The following KXD1 variants were observed in gnomAD, a reference collection of about 807,000 sequenced individuals.
KXD1 encodes the protein kxDL motif-containing protein 1.
A neutral mutation model predicts 12.1 loss-of-function variants in KXD1; 5 were observed. The observed-to-expected ratio is 0.41, with a 90% CI of 0.22 to 0.87. KXD1 has a LOEUF of 0.87. KXD1 is among the 40% of genes least tolerant of loss of function. The pLI, the probability that KXD1 is intolerant of heterozygous loss-of-function variation, is 0.31. For synonymous variants in KXD1, 98 were observed against 100.5 expected, an observed-to-expected ratio of 0.98 and a Z score of 0.15; for missense variants, 193 against 244.9, an observed-to-expected ratio of 0.79 and a Z score of 1.41.
rs147692833 is a variant in KXD1, at chr19:18,562,622, C to T, written c.101+465C>T. Among the ~76,000 whole-genome samples, 968 of 152,280 alleles carry T rather than the reference C, an allele frequency of 6.4e-3. 12 individuals are homozygous for T. Among genetic ancestry groups the T allele is most frequent in the African/African-American group, 0.023 (938 of 41,546 alleles). On this transcript the variant is annotated intron_variant, in intron 2 of 4. Transcript: ENST00000222307. ...GATTACAAGCATGTGCCACCATGCCCAGCTAATTTTTGTATTTTTAGTAGA... is the reference window on the plus strand; with the variant it reads ...GATTACAAGCATGTGCCACCATGCCTAGCTAATTTTTGTATTTTTAGTAGA...
In KXD1 at chr19:18,562,650, C is replaced by T. The variant is rs182424212; in HGVS notation, c.101+493C>T. On this transcript the variant is annotated intron_variant, in intron 2 of 4. Coordinates refer to ENST00000222307, the MANE Select transcript of KXD1 (RefSeq NM_024069.4). ...CTAATTTTTGTATTTTTAGTAGAGACGGGCTTTCATCATGTTGGTCAGGCT... is the reference window on the plus strand; with the variant it reads ...CTAATTTTTGTATTTTTAGTAGAGATGGGCTTTCATCATGTTGGTCAGGCT... Among the ~76,000 whole-genome samples the T allele has an allele frequency of 6.0e-4, 92 of 152,336 alleles. No homozygotes were observed. The East Asian group carries it at 0.016, about 27-fold the overall frequency.
intron 3 of KXD1, among the ~76,000 whole-genome samples, chr19:18,565,648 G>A (rs1975182054): frequency 6.6e-6 from 1 of 151,986 alleles, no homozygotes; most frequent in Non-Finnish European, 1.5e-5. Context: ...TGAGTAGCTG[G>A]GTCTACAGAC....
intron 1 of KXD1, 46 bp from the exon 2 acceptor site, chr19:18,561,990 C>A: frequency 7.5e-7 from 1 of 1,337,586 alleles, no homozygotes. Context: ...TTGGTCCCAC[C>A]TCACCTGGTG....
intron 3 of KXD1, 100 bp from the exon 4 acceptor site, chr19:18,567,032 C>A: frequency 1.9e-6 from 2 of 1,038,732 alleles, no homozygotes; most frequent in Non-Finnish European, 3.0e-6. Context: ...TCACTCCCGT[C>A]TCCCCTTGCC....
rs1568424291 is a variant in KXD1, at chr19:18,568,603, C to CAGATGACGAGG, written c.512_522dup (p.Gly175ArgfsTer3). On this transcript the variant is annotated frameshift_variant, in exon 5 of 5. Transcript: ENST00000222307. LOFTEE classifies it high-confidence loss of function. ...CCAGCCATCAACGGCCGCAGCCAGA[C>CAGATGACGAGG]AGATGACGAGGAGATGACGGGCGAA... 6.2e-7 allele frequency: 1 copy of CAGATGACGAGG among 1,612,338 alleles called. No individual in the cohort carries two copies. The highest frequency in any genetic ancestry group is 1.7e-5 in the Admixed American group (1 of 60,004).
At position 18,566,056 on chromosome 19, in the gene KXD1, C is replaced by G. The variant is rs1488307946; in HGVS notation, c.254+1035C>G. ...ATGTTGGCCAGGCTCATCTCGAAGT[C>G]CTGGCCTCAGATGATCCATCCACCT... On this transcript the variant is annotated intron_variant, in intron 3 of 4. Transcript: ENST00000222307. Among the ~76,000 whole-genome samples, 7 of 152,284 alleles carry G rather than the reference C, an allele frequency of 4.6e-5. No homozygotes were observed. The East Asian group carries it at 7.7e-4, about 17-fold the overall frequency.
chr19:18,558,310 A>C (rs769599757), intron 1 of KXD1: 1 of 152,028 alleles, frequency 6.6e-6, no homozygotes, highest in Non-Finnish European at 1.5e-5. Context: ...AATTCTGTTA[A>C]ATAACCTGGA....
At chr19:18,566,397 G>GGCAGAGTTTGCA (rs367674465) in intron 3 of KXD1, among the ~76,000 whole-genome samples, 9 of 149,398 alleles carry the variant, frequency 6.0e-5, no homozygotes, top group African/African-American at 2.0e-4. Flanking sequence ...GAACCCAGGA[G>GGCAGAGTTTGCA]GTGAGCCGAG....
In KXD1 at chr19:18,567,094, C is replaced by T. The variant is rs1178862188; in HGVS notation, c.255-38C>T. ...CAGCACCAGGCCCAGCCTACCTGCTCAGCAGGTTAAGCCCTGTGTGCCTTC... is the reference window on the plus strand; with the variant it reads ...CAGCACCAGGCCCAGCCTACCTGCTTAGCAGGTTAAGCCCTGTGTGCCTTC... On this transcript the variant is annotated intron_variant, in intron 3 of 4. Coordinates refer to ENST00000222307, the MANE Select transcript of KXD1 (RefSeq NM_024069.4). 1.9e-6 allele frequency: 3 copies of T among 1,604,164 alleles called. No homozygotes were observed. The Admixed American group carries it at 5.0e-5, about 27-fold the overall frequency.
intron 4 of KXD1, chr19:18,567,406 G>A: frequency 1.5e-6 from 1 of 661,270 alleles, no homozygotes; most frequent in Non-Finnish European, 2.7e-6. Flanking sequence ...GGCCGCACAG[G>A]AGAATGTGGA....
intron 3 of KXD1, 193 bp downstream of exon 3, chr19:18,565,214 A>T (rs1039343484): frequency 7.4e-7 from 1 of 1,351,154 alleles, no homozygotes; most frequent in East Asian, 2.6e-5. Context: ...CTGATTGATT[A>T]ATTGATCGAG....
intron 2 of KXD1, among the ~76,000 whole-genome samples, chr19:18,563,675 T>C (rs1457757927): frequency 1.3e-5 from 2 of 152,112 alleles, no homozygotes; most frequent in African/African-American, 4.8e-5. Context: ...AGCTAATTTT[T>C]GTATTTTTAG....
In KXD1 at chr19:18,568,481, A is replaced by G; in HGVS notation, c.381A>G (p.Ser127=). ...PPSTTTTIAT[S]EQSTGSCDTS... is the part of the protein sequence containing the mutation. ...GCACCACGACCACCATTGCCACCTC[A>G]GAACAGAGCACGGGCTCATGTGACA... is the stretch of plus-strand genomic sequence containing the variant. The change falls in exon 5 of 5, where the codon TCA becomes TCG. Residue 127 remains serine, a synonymous_variant. Coordinates refer to ENST00000222307, the MANE Select transcript of KXD1 (RefSeq NM_024069.4). 1 of 1,614,128 alleles carries G rather than the reference A, an allele frequency of 6.2e-7. No homozygotes were observed. Among genetic ancestry groups the G allele is most frequent in the Non-Finnish European group, 8.5e-7 (1 of 1,180,010 alleles).
At chr19:18,562,677 G>T (rs1974980211) in intron 2 of KXD1, among the ~76,000 whole-genome samples, 1 of 152,236 alleles carries the variant, frequency 6.6e-6, no homozygotes, top group African/African-American at 2.4e-5. Flanking sequence ...GGTCAGGCTG[G>T]TCTCGAACTC....
At chr19:18,560,710 CCTT>C (rs1293764775) in intron 1 of KXD1, among the ~76,000 whole-genome samples, 5 of 99,836 alleles carry the variant, frequency 5.0e-5, no homozygotes, top group African/African-American at 9.3e-5. Flanking sequence ...CACCTCTACT[CCTT>C]CTTTTTTTTT....
chr19:18,566,435 G>A (rs1292452572), intron 3 of KXD1, among the ~76,000 whole-genome samples: 8 of 137,814 alleles, frequency 5.8e-5, no homozygotes, highest in South Asian at 2.4e-4. Context: ...AAGCCTGGGC[G>A]ACAGAGCGAG....
chr19:18,567,237 G>C lies in KXD1; in HGVS notation c.301+59G>C, dbSNP rs548592822. On this transcript the variant is annotated intron_variant, in intron 4 of 4. Coordinates refer to ENST00000222307, the MANE Select transcript of KXD1 (RefSeq NM_024069.4). Reference sequence around the variant, plus strand: ...CGTCAGCACTCTCCACCCAGGGCAGGCTTCTGGAAGGCCACCTTGGGGCCT... The same window carrying C: ...CGTCAGCACTCTCCACCCAGGGCAGCCTTCTGGAAGGCCACCTTGGGGCCT... 36 of 1,570,306 alleles carry C rather than the reference G, an allele frequency of 2.3e-5. No individual in the cohort carries two copies. In the East Asian group the frequency reaches 8.1e-4, roughly 35 times the overall value.
rs375536062 is a variant in KXD1, at chr19:18,562,107, C to T, written c.51C>T (p.Ser17=). The T allele has an allele frequency of 1.2e-4, 199 of 1,613,712 alleles. No individual in the cohort carries two copies. The highest frequency in any genetic ancestry group is 1.6e-4 in the Non-Finnish European group (191 of 1,179,810). Reference sequence around the variant, plus strand: ...GGGTCTTCTGCGGCCGCATCCTGAGCATGGTGAACACAGATGATGTCAACG... The same window carrying T: ...GGGTCTTCTGCGGCCGCATCCTGAGTATGGTGAACACAGATGATGTCAACG... ...ASRVFCGRIL[S]MVNTDDVNAI... The change falls in exon 2 of 5, where the codon AGC becomes AGT. Residue 17 remains serine (S), a synonymous_variant. Coordinates refer to ENST00000222307, the MANE Select transcript of KXD1 (RefSeq NM_024069.4).
At chr19:18,566,703 C>T (rs1975254816) in intron 3 of KXD1, among the ~76,000 whole-genome samples, 1 of 150,204 alleles carries the variant, frequency 6.7e-6, no homozygotes, top group Admixed American at 6.7e-5. Context: ...TGAGGGAGGA[C>T]AATCATGTGA....
Sources: allele counts gnomAD v4.1 joint callset (sites outside exome capture counted in the v4.1 genomes callset), GRCh38; gene constraint gnomAD v4.1.1; transcripts MANE v1.5; gene names NCBI Gene and HGNC (gene_info 2026-07-23, HGNC 2026-07-21).